SMAD6: variants seen among roughly 807,000 people sequenced by gnomAD.
SMAD6 encodes SMAD family member 6.
SMAD6 carries 103 observed loss-of-function variants against 39.4 expected under a neutral mutation model. The ratio of observed to expected loss-of-function variants is 2.62; its 90% CI spans 2.23 to 3.08. The LOEUF is 3.08. SMAD6 is among the 30% of genes most tolerant of loss of function. The probability of loss-of-function intolerance (pLI) is 0.00; values close to 1 mark genes in which losing one functional copy is unlikely to be tolerated. For synonymous variants in SMAD6, 445 were observed against 353.3 expected, an observed-to-expected ratio of 1.26 and a Z score of -2.91; for missense variants, 1,104 against 742.9, an observed-to-expected ratio of 1.49 and a Z score of -5.65.
rs201243176 is a variant in SMAD6, at chr15:66,711,714, C to G, written c.864C>G (p.Tyr288Ter). Residue 288 changes from tyrosine to a stop codon, truncating the protein, a stop_gained, in exon 2 of 4, where the codon TAC becomes TAG. Transcript: ENST00000288840. LOFTEE classifies it high-confidence loss of function. Reference protein sequence around the residue: ...PYSRLSPRDEYKPLDLSDSTL... With the variant: ...PYSRLSPRDE Reference sequence around the variant, plus strand: ...CTCGGCTGTCTCCTCGCGACGAGTACAAGCCACTGGGTAAGTGTGCCCTCC... The same window carrying G: ...CTCGGCTGTCTCCTCGCGACGAGTAGAAGCCACTGGGTAAGTGTGCCCTCC... 1 of 1,612,728 alleles carries G rather than the reference C, an allele frequency of 6.2e-7. No individual in the cohort carries two copies.
At chr15:66,756,336 A>G (rs1466105496) in intron 3 of SMAD6, among the ~76,000 whole-genome samples, 1 of 152,170 alleles carries the variant, frequency 6.6e-6, no homozygotes, top group Admixed American at 6.5e-5. Context: ...TAAGGTTTAA[A>G]TTACAGGCCA....
intron 3 of SMAD6, among the ~76,000 whole-genome samples, chr15:66,739,107 T>C (rs1311067344): frequency 2.4e-5 from 3 of 125,752 alleles, no homozygotes; most frequent in Admixed American, 1.6e-4. Context: ...TTTTTTTTTA[T>C]TGAGACGGAG....
chr15:66,703,697 G>A lies in SMAD6; in HGVS notation c.439G>A (p.Gly147Arg), dbSNP rs867644316. 6.0e-5 allele frequency: 76 copies of A among 1,268,116 alleles called. 1 individual carries two copies. In the African/African-American group the frequency reaches 6.1e-4, roughly 10 times the overall value. The allele number at this position is 1,268,116 out of a possible 1,614,324, so 78.6% of individuals were successfully genotyped here. The change falls in exon 1 of 4, where the codon GGG becomes AGG. Residue 147 changes from glycine to arginine, a missense_variant. Coordinates refer to ENST00000288840, the MANE Select transcript of SMAD6 (RefSeq NM_005585.5). ...CCGGGACGCCAGCGACCCCCTGGCC[G>A]GGGCGGCCCTGGAGCCGGCGGGCGG... The part of the protein sequence containing the change: ...APRDASDPLA[G>R]AALEPAGGGR...
intron 3 of SMAD6, among the ~76,000 whole-genome samples, chr15:66,752,896 C>T (rs1296949169): frequency 1.3e-5 from 2 of 152,098 alleles, no homozygotes; most frequent in African/African-American, 4.8e-5. Flanking sequence ...GGGAAGGCTT[C>T]GCTGAGGAGG....
At chr15:66,752,987 C>G (rs1344046160) in intron 3 of SMAD6, among the ~76,000 whole-genome samples, 1 of 152,166 alleles carries the variant, frequency 6.6e-6, no homozygotes, top group African/African-American at 2.4e-5. Context: ...TAAAGGCATA[C>G]ATGTGCTGCA....
Position 66,703,496 on chromosome 15 carries a change from G to GC in SMAD6, c.239dup (p.Arg82GlufsTer39). The GC allele has an allele frequency of 8.1e-7, 1 of 1,228,516 alleles. No individual in the cohort carries two copies. The highest frequency in any genetic ancestry group is 1.0e-6 in the Non-Finnish European group (1 of 981,866). The allele number at this position is 1,228,516 out of a possible 1,614,324, so 76.1% of individuals were successfully genotyped here. A position where few individuals can be genotyped will look rare whatever the true frequency, so the allele number is the denominator to read the frequency against. ...AGTGGGACAGCGAGGCGCCCAGGGC[G>GC]CGGGGAGGCGCCGGCGCGCAGGGGG... On this transcript the variant is annotated frameshift_variant, in exon 1 of 4. Transcript: ENST00000288840. LOFTEE classifies it high-confidence loss of function.
Position 66,781,245 on chromosome 15 carries a change from T to A in SMAD6, c.1201T>A (p.Trp401Arg), listed in dbSNP as rs1329534289. 1 of 1,608,672 alleles carries A rather than the reference T, an allele frequency of 6.2e-7. No individual in the cohort carries two copies. Among genetic ancestry groups the A allele is most frequent in the Non-Finnish European group, 8.5e-7 (1 of 1,179,560 alleles). Residue 401 changes from tryptophan to arginine, a missense_variant, in exon 4 of 4, where the codon TGG (tryptophan) becomes AGG (arginine). Transcript: ENST00000288840. ...GCTCAGCAAGGAGCCCGACGGCGTG[T>A]GGGCCTACAACCGCGGCGAGCACCC... ...ILLSKEPDGVWAYNRGEHPIF... is the reference protein window; with the variant it reads ...ILLSKEPDGVRAYNRGEHPIF...
chr15:66,750,035 G>A (rs1375069112), intron 3 of SMAD6, among the ~76,000 whole-genome samples: 4 of 152,128 alleles, frequency 2.6e-5, no homozygotes, highest in Admixed American at 6.5e-5. Context: ...CCTCACACAC[G>A]TGTTCTTTCC....
At chr15:66,721,825 T>C (rs1436741238) in intron 3 of SMAD6, among the ~76,000 whole-genome samples, 1 of 152,058 alleles carries the variant, frequency 6.6e-6, no homozygotes, top group Non-Finnish European at 1.5e-5. Flanking sequence ...ACACAAACAA[T>C]AACAAGAGGC....
intron 3 of SMAD6, among the ~76,000 whole-genome samples, chr15:66,728,258 G>A (rs1223216352): frequency 6.6e-6 from 1 of 152,172 alleles, no homozygotes; most frequent in African/African-American, 2.4e-5. Context: ...CTCCCCAAGT[G>A]TACCTCAGCT....
At chr15:66,749,107 T>G (rs1893955627) in intron 3 of SMAD6, among the ~76,000 whole-genome samples, 1 of 152,134 alleles carries the variant, frequency 6.6e-6, no homozygotes. Flanking sequence ...GGCAGATTGC[T>G]TGAGCACAGG....
chr15:66,780,180 T>G (rs1894532936), intron 3 of SMAD6, among the ~76,000 whole-genome samples: 1 of 152,186 alleles, frequency 6.6e-6, no homozygotes, highest in African/African-American at 2.4e-5. Context: ...CCTCAGCTCC[T>G]CTGCCATGCA....
intron 3 of SMAD6, among the ~76,000 whole-genome samples, chr15:66,748,352 G>A (rs1893942973): frequency 6.6e-6 from 1 of 152,172 alleles, no homozygotes; most frequent in Non-Finnish European, 1.5e-5. Context: ...AAAGTAAGCC[G>A]TGCCTGTATA....
intron 3 of SMAD6, among the ~76,000 whole-genome samples, chr15:66,771,706 A>C (rs1447965024): frequency 7.2e-5 from 11 of 152,272 alleles, no homozygotes; most frequent in African/African-American, 2.6e-4. Context: ...GAGGATGGGG[A>C]TGATTCTGCC....
Position 66,713,874 on chromosome 15 carries a change from A to G in SMAD6, c.874+2150A>G, listed in dbSNP as rs192883482. ...GCCTTAGTTCTCTCGGAAACTGGAGAGATCATGTGGTGGAAGCTTGTCACT... is the reference window on the plus strand; with the variant it reads ...GCCTTAGTTCTCTCGGAAACTGGAGGGATCATGTGGTGGAAGCTTGTCACT... On this transcript the variant is annotated intron_variant, in intron 2 of 3. Transcript: ENST00000288840. Among the ~76,000 whole-genome samples, 19 of 152,242 alleles carry G rather than the reference A, an allele frequency of 1.2e-4. 1 individual carries two copies. The highest frequency in any genetic ancestry group is 9.8e-4 in the Admixed American group (15 of 15,292).
intron 3 of SMAD6, among the ~76,000 whole-genome samples, chr15:66,719,699 GC>G (rs1893397621): frequency 6.6e-6 from 1 of 152,198 alleles, no homozygotes; most frequent in Non-Finnish European, 1.5e-5. Flanking sequence ...GGAAGGATGG[GC>G]CTCTTGAGGC....
chr15:66,769,161 G>A (rs1479669135), intron 3 of SMAD6, among the ~76,000 whole-genome samples: 1 of 152,192 alleles, frequency 6.6e-6, no homozygotes, highest in Non-Finnish European at 1.5e-5. Context: ...CTGTGAGTTA[G>A]GTAATCACCT....
At chr15:66,723,071 G>A (rs1893462013) in intron 3 of SMAD6, among the ~76,000 whole-genome samples, 1 of 152,168 alleles carries the variant, frequency 6.6e-6, no homozygotes, top group Admixed American at 6.5e-5. Flanking sequence ...CTTGGGGTGG[G>A]GAGTAGTCAA....
At chr15:66,759,091 C>T (rs1476002100) in intron 3 of SMAD6, among the ~76,000 whole-genome samples, 4 of 152,194 alleles carry the variant, frequency 2.6e-5, no homozygotes, top group African/African-American at 4.8e-5. Flanking sequence ...AGTAAGCCTA[C>T]GTTCCAACAA....
Sources: gnomAD v4.1 joint callset for allele counts (sites outside exome capture counted in the v4.1 genomes callset) on GRCh38, gnomAD v4.1.1 for gene constraint, MANE v1.5 for transcripts, NCBI Gene and HGNC (gene_info 2026-07-23, HGNC 2026-07-21) for gene names.